The following LRFN5 variants were observed in gnomAD, a reference collection of about 807,000 sequenced individuals.
LRFN5 encodes leucine-rich repeat and fibronectin type-III domain-containing protein 5.
LRFN5 carries 24 observed loss-of-function variants against 45.6 expected under a neutral mutation model. The ratio of observed to expected loss-of-function variants is 0.53; its 90% CI spans 0.38 to 0.74. The LOEUF is 0.74. LRFN5 is among the 30% of genes least tolerant of loss of function. LRFN5 has a pLI of 0.00. For synonymous variants in LRFN5, 340 were observed against 313.8 expected (o/e 1.08, Z -0.88); for missense variants, 776 against 861.5 (o/e 0.90, Z 1.24).
chr14:41,804,618 A>T (rs1887456014), intron 2 of LRFN5, among the ~76,000 whole-genome samples: 1 of 152,114 alleles, frequency 6.6e-6, no homozygotes, highest in South Asian at 2.1e-4. Context: ...TATCATTTAA[A>T]CTATAAACTA....
At chr14:41,620,163 A>G (rs1159913363) in intron 1 of LRFN5, among the ~76,000 whole-genome samples, 1 of 152,068 alleles carries the variant, frequency 6.6e-6, no homozygotes, top group Admixed American at 6.6e-5. Context: ...AAACCATATC[A>G]AGGCAGTAAA....
At chr14:41,824,718 G>A (rs1455378006) in intron 2 of LRFN5, among the ~76,000 whole-genome samples, 5 of 152,154 alleles carry the variant, frequency 3.3e-5, no homozygotes, top group Non-Finnish European at 7.4e-5. Flanking sequence ...GCAGTGGGGT[G>A]TTCTGTGGAA....
intron 1 of LRFN5, among the ~76,000 whole-genome samples, chr14:41,675,063 C>T: frequency 6.6e-6 from 1 of 151,706 alleles, no homozygotes; most frequent in East Asian, 1.9e-4. Context: ...GGAAGAGGCG[C>T]TCCTCACTTC....
At chr14:41,647,450 A>G (rs1027272820) in intron 1 of LRFN5, among the ~76,000 whole-genome samples, 4 of 152,194 alleles carry the variant, frequency 2.6e-5, no homozygotes, top group African/African-American at 9.6e-5. Flanking sequence ...AGTACGTAGT[A>G]GGTGGGATGT....
At chr14:41,856,778 G>C (rs1444705485) in intron 2 of LRFN5, among the ~76,000 whole-genome samples, 2 of 138,904 alleles carry the variant, frequency 1.4e-5, no homozygotes, top group Admixed American at 1.5e-4. Flanking sequence ...CCGGGTTCAC[G>C]CCATTCTCCT....
chr14:41,844,490 T>C (rs1401001798), intron 2 of LRFN5, among the ~76,000 whole-genome samples: 2 of 152,066 alleles, frequency 1.3e-5, no homozygotes, highest in East Asian at 3.9e-4. Flanking sequence ...GATTTTGGAG[T>C]TGCGGTAAGA....
At chr14:41,730,329 C>T (rs1304274774) in intron 1 of LRFN5, among the ~76,000 whole-genome samples, 1 of 151,898 alleles carries the variant, frequency 6.6e-6, no homozygotes, top group African/African-American at 2.4e-5. Flanking sequence ...ACAAAACAAC[C>T]ATGTCTCTAT....
rs182781979 is a variant in LRFN5 at position 41,628,471 on chromosome 14, G to A, written c.-197+19909G>A. Among the ~76,000 whole-genome samples, 516 of 152,210 alleles carry A rather than the reference G, an allele frequency of 3.4e-3. 3 individuals carry two copies. The highest frequency in any genetic ancestry group is 6.8e-3 in the Middle Eastern group (2 of 294). ...AATTAATAACTTGCCAGGTGTGGTG[G>A]CATGCACCTGTAGTTCTAGCTGCTT... On this transcript the variant is annotated intron_variant, in intron 1 of 5. Coordinates refer to ENST00000298119, the MANE Select transcript of LRFN5 (RefSeq NM_152447.5).
At chr14:41,794,242 G>T (rs1887038654) in intron 2 of LRFN5, among the ~76,000 whole-genome samples, 1 of 151,878 alleles carries the variant, frequency 6.6e-6, no homozygotes, top group African/African-American at 2.4e-5. Flanking sequence ...TGCTTCCTGT[G>T]TATATGCTTT....
Position 41,749,000 on chromosome 14 carries a change from G to T in LRFN5, c.-196-17854G>T, listed in dbSNP as rs80177495. On this transcript the variant is annotated intron_variant, in intron 1 of 5. Coordinates refer to ENST00000298119, the MANE Select transcript of LRFN5 (RefSeq NM_152447.5). The stretch of plus-strand genomic sequence containing the variant: ...GGCAAGGGTCACTCCATGATAGAAG[G>T]GCTGAAGGTGGAAGTGAGGACACCA... 9.9e-3 allele frequency among the ~76,000 whole-genome samples: 1,504 copies of T among 151,976 alleles called. 9 individuals carry two copies. The highest frequency in any genetic ancestry group is 0.014 in the East Asian group (73 of 5,168).
chr14:41,664,021 C>G (rs1472838533), intron 1 of LRFN5, among the ~76,000 whole-genome samples: 2 of 151,902 alleles, frequency 1.3e-5, no homozygotes, highest in Non-Finnish European at 2.9e-5. Flanking sequence ...TCCCCCATTT[C>G]CTACTTAATA....
chr14:41,904,082 T>G, intron 5 of LRFN5, 76 bp from the exon 6 acceptor site: 1 of 1,252,392 alleles, frequency 8.0e-7, no homozygotes, highest in Non-Finnish European at 1.1e-6. Context: ...GCTAGCACAA[T>G]GATCTTATTA....
intron 1 of LRFN5, chr14:41,731,315 A>G (rs1203045912): frequency 8.0e-5 from 12 of 150,938 alleles, no homozygotes; most frequent in African/African-American, 2.7e-4. Flanking sequence ...TCTCTTTTTA[A>G]ATTTGTCACA....
At chr14:41,728,770 T>G (rs1884044204) in intron 1 of LRFN5, among the ~76,000 whole-genome samples, 1 of 152,142 alleles carries the variant, frequency 6.6e-6, no homozygotes, top group Non-Finnish European at 1.5e-5. Context: ...TGTTCTTAAC[T>G]CAGTTGAGTG....
At chr14:41,754,977 T>C (rs1177262312) in intron 1 of LRFN5, among the ~76,000 whole-genome samples, 1 of 152,164 alleles carries the variant, frequency 6.6e-6, no homozygotes, top group Non-Finnish European at 1.5e-5. Flanking sequence ...TTTGTTCTCG[T>C]TGGTTTCAAA....
At chr14:41,804,638 T>C (rs754292154) in intron 2 of LRFN5, among the ~76,000 whole-genome samples, 20 of 152,080 alleles carry the variant, frequency 1.3e-4, no homozygotes, top group Non-Finnish European at 2.4e-4. Flanking sequence ...AAATTTATCC[T>C]AAAGTTAGCT....
chr14:41,800,197 C>T (rs960553116), intron 2 of LRFN5, among the ~76,000 whole-genome samples: 1 of 151,892 alleles, frequency 6.6e-6, no homozygotes, highest in Non-Finnish European at 1.5e-5. Context: ...GTGTATTTGC[C>T]TTCATTTATC....
chr14:41,645,817 T>C (rs1237093597), intron 1 of LRFN5, among the ~76,000 whole-genome samples: 3 of 152,186 alleles, frequency 2.0e-5, no homozygotes, highest in South Asian at 4.1e-4. Flanking sequence ...TACTCTTCTG[T>C]GTAATCTGCT....
intron 2 of LRFN5, among the ~76,000 whole-genome samples, chr14:41,780,949 T>C (rs886336179): frequency 1.3e-5 from 2 of 152,166 alleles, no homozygotes; most frequent in Non-Finnish European, 2.9e-5. Context: ...AGCAACAGAA[T>C]GTTGCCAATT....
Sources: allele counts gnomAD v4.1 joint callset (sites outside exome capture counted in the v4.1 genomes callset), GRCh38; gene constraint gnomAD v4.1.1; transcripts MANE v1.5; gene names NCBI Gene and HGNC (gene_info 2026-07-23, HGNC 2026-07-21).